The following RBFOX1 variants were observed in gnomAD, a reference collection of about 807,000 sequenced individuals.
The protein encoded by RBFOX1 is RNA binding protein fox-1 homolog 1.
In RBFOX1, 8 loss-of-function variants were observed where a neutral mutation model predicts 57.7. The ratio of observed to expected loss-of-function variants is 0.14; its 90% CI spans 0.08 to 0.25. The LOEUF (loss-of-function observed/expected upper bound fraction) is 0.25. Ranked by LOEUF, RBFOX1 falls within the 10% of genes least tolerant of loss-of-function variation. The pLI, the probability that RBFOX1 is intolerant of heterozygous loss-of-function variation, is 1.00. For synonymous variants in RBFOX1, 326 were observed against 222.4 expected, an observed-to-expected ratio of 1.47 and a Z score of -4.15; for missense variants, 611 against 548.5, an observed-to-expected ratio of 1.11 and a Z score of -1.14.
At chr16:5,848,780 C>T (rs2056817821) in intron 3 of RBFOX1, among the ~76,000 whole-genome samples, 1 of 151,912 alleles carries the variant, frequency 6.6e-6, no homozygotes, top group African/African-American at 2.4e-5. Context: ...AACCCCGTCT[C>T]TAATAAAAAA....
rs148417663 is a variant in RBFOX1 at position 6,164,215 on chromosome 16, A to G, written c.-127+144223A>G. ...CTTGGACATTAGTCTACATATGCAA[A>G]ATCAGGCAGATATTTGTACTTCTGT... On this transcript the variant is annotated intron_variant, in intron 1 of 15. Coordinates refer to ENST00000550418, the MANE Select transcript of RBFOX1 (RefSeq NM_018723.4). 5.0e-3 allele frequency among the ~76,000 whole-genome samples: 765 copies of G among 152,286 alleles called. 6 individuals are homozygous for G. Among genetic ancestry groups the G allele is most frequent in the African/African-American group, 0.018 (737 of 41,560 alleles).
At chr16:7,360,304 C>G (rs1202694847) in intron 4 of RBFOX1, among the ~76,000 whole-genome samples, 1 of 152,130 alleles carries the variant, frequency 6.6e-6, no homozygotes, top group Non-Finnish European at 1.5e-5. Flanking sequence ...CACATGTTAG[C>G]CAAACTGTGG....
intron 3 of RBFOX1, among the ~76,000 whole-genome samples, chr16:6,845,762 G>A (rs1010204474): frequency 3.3e-5 from 5 of 152,076 alleles, no homozygotes; most frequent in African/African-American, 1.2e-4. Context: ...AACTCACACT[G>A]GTCTTTTATC....
At chr16:6,998,628 C>T (rs763227390) in intron 3 of RBFOX1, among the ~76,000 whole-genome samples, 1 of 152,092 alleles carries the variant, frequency 6.6e-6, no homozygotes. Flanking sequence ...TTTTTGGTGT[C>T]TCCAAATTGC....
chr16:7,092,322 C>T (rs1029104033), intron 4 of RBFOX1, among the ~76,000 whole-genome samples: 2 of 152,172 alleles, frequency 1.3e-5, no homozygotes, highest in African/African-American at 2.4e-5. Flanking sequence ...AACACATCTC[C>T]ATTTCAGATA....
chr16:7,194,542 C>T (rs534255082), intron 4 of RBFOX1, among the ~76,000 whole-genome samples: 154 of 152,256 alleles, frequency 1.0e-3, no homozygotes, highest in African/African-American at 3.6e-3. Flanking sequence ...AACAGATACT[C>T]ATTACTAAAA....
intron 1 of RBFOX1, among the ~76,000 whole-genome samples, chr16:6,055,590 CAAAAAAAA>C (rs35872547): frequency 1.2e-4 from 8 of 65,578 alleles, no homozygotes; most frequent in Admixed American, 2.3e-4. Context: ...GAGACTCCGT[CAAAAAAAA>C]AAAAAAAAAA....
At chr16:5,865,511 A>T (rs1001355850) in intron 3 of RBFOX1, among the ~76,000 whole-genome samples, 2 of 152,134 alleles carry the variant, frequency 1.3e-5, no homozygotes, top group Non-Finnish European at 2.9e-5. Context: ...TTAGAGGGCT[A>T]ATGGTGCATG....
chr16:7,482,096 T>C (rs2064106808), intron 4 of RBFOX1, among the ~76,000 whole-genome samples: 1 of 152,232 alleles, frequency 6.6e-6, no homozygotes. Flanking sequence ...GGGCTAGTGA[T>C]GGTTATCATA....
At chr16:5,860,128 G>T (rs1232396562) in intron 3 of RBFOX1, among the ~76,000 whole-genome samples, 2 of 152,130 alleles carry the variant, frequency 1.3e-5, no homozygotes, top group Non-Finnish European at 2.9e-5. Context: ...TGTCGCCCAG[G>T]CTGGAGTGCA....
intron 3 of RBFOX1, among the ~76,000 whole-genome samples, chr16:6,974,475 G>A (rs2086346356): frequency 6.6e-6 from 1 of 151,348 alleles, no homozygotes; most frequent in South Asian, 2.1e-4. Flanking sequence ...CTCCCAAGTA[G>A]CTGAGATAAC....
chr16:7,421,511 C>T (rs905046377), intron 4 of RBFOX1, among the ~76,000 whole-genome samples: 2 of 152,144 alleles, frequency 1.3e-5, no homozygotes, highest in Admixed American at 1.3e-4. Context: ...CAGGCACAGC[C>T]AGGTTTTCTA....
At chr16:5,976,349 C>G (rs1001968335) in intron 4 of RBFOX1, among the ~76,000 whole-genome samples, 3 of 152,060 alleles carry the variant, frequency 2.0e-5, no homozygotes, top group South Asian at 2.1e-4. Context: ...TATGGCAGGA[C>G]TTAGTCTCTA....
At chr16:5,582,511 C>G (rs2046702252) in intron 2 of RBFOX1, among the ~76,000 whole-genome samples, 1 of 149,554 alleles carries the variant, frequency 6.7e-6, no homozygotes. Flanking sequence ...CAGAGCAGAG[C>G]TGGGACTTGA....
chr16:5,961,692 C>G (rs1460885017), intron 4 of RBFOX1, among the ~76,000 whole-genome samples: 3 of 151,950 alleles, frequency 2.0e-5, no homozygotes, highest in Non-Finnish European at 4.4e-5. Flanking sequence ...GCTGATGTTT[C>G]TTTTTTGTAA....
At chr16:5,291,645 T>G (rs1254691603) in intron 1 of RBFOX1, among the ~76,000 whole-genome samples, 1 of 152,162 alleles carries the variant, frequency 6.6e-6, no homozygotes, top group African/African-American at 2.4e-5. Flanking sequence ...CTGAAGTGAT[T>G]GCTTTGGTCC....
At chr16:6,272,421 T>C (rs2075308486) in intron 1 of RBFOX1, among the ~76,000 whole-genome samples, 1 of 152,198 alleles carries the variant, frequency 6.6e-6, no homozygotes, top group Non-Finnish European at 1.5e-5. Flanking sequence ...ACAACTTATA[T>C]GTGAAAAACT....
intron 4 of RBFOX1, among the ~76,000 whole-genome samples, chr16:7,223,768 A>C (rs918831655): frequency 1.3e-5 from 2 of 151,884 alleles, no homozygotes; most frequent in African/African-American, 4.8e-5. Flanking sequence ...ATTTCTGGCA[A>C]AGTTTTGTTT....
rs560598595 is a variant in RBFOX1 at position 6,961,389 on chromosome 16, A to G, written c.-15-90668A>G. Among the ~76,000 whole-genome samples the G allele has an allele frequency of 2.2e-4, 34 of 152,316 alleles. 1 individual carries two copies. The South Asian group carries it at 3.5e-3, about 16-fold the overall frequency. On this transcript the variant is annotated intron_variant, in intron 3 of 15. Transcript: ENST00000550418. ...ACTGTAGTAATTTCCCAGCGCTGCT[A>G]TAGCAAATAGCCATGAACTTGGTGA...
Sources: allele counts gnomAD v4.1 joint callset (sites outside exome capture counted in the v4.1 genomes callset), GRCh38; gene constraint gnomAD v4.1.1; transcripts MANE v1.5; gene names NCBI Gene and HGNC (gene_info 2026-07-23, HGNC 2026-07-21).